AMPH: variants seen among roughly 807,000 people sequenced by gnomAD.
AMPH encodes amphiphysin (Stiff-Mann syndrome with breast cancer 128kD autoantigen).
A neutral mutation model predicts 99.1 loss-of-function variants in AMPH; 49 were observed. The observed-to-expected ratio is 0.49, with a 90% CI of 0.39 to 0.63. The LOEUF (loss-of-function observed/expected upper bound fraction) is 0.63. AMPH is among the 20% of genes least tolerant of loss of function. The probability of loss-of-function intolerance (pLI) is 0.00; values close to 1 mark genes in which losing one functional copy is unlikely to be tolerated. For missense variants in AMPH, 759 were observed against 863.4 expected, an observed-to-expected ratio of 0.88 and a Z score of 1.52; for synonymous variants, 314 against 317.3, an observed-to-expected ratio of 0.99 and a Z score of 0.11.
chr7:38,551,648 T>C (rs1791186269), intron 1 of AMPH, among the ~76,000 whole-genome samples: 1 of 152,050 alleles, frequency 6.6e-6, no homozygotes, highest in South Asian at 2.1e-4. Flanking sequence ...AGGACCTAAA[T>C]AGTGCAAATA....
At chr7:38,445,137 A>G (rs1786723817) in intron 11 of AMPH, among the ~76,000 whole-genome samples, 1 of 146,456 alleles carries the variant, frequency 6.8e-6, no homozygotes. Flanking sequence ...CTGATTTTCC[A>G]CAAAGGTACA....
chr7:38,426,415 G>C (rs1341588020), intron 15 of AMPH, among the ~76,000 whole-genome samples: 1 of 152,216 alleles, frequency 6.6e-6, no homozygotes, highest in African/African-American at 2.4e-5. Context: ...GACACAACCA[G>C]CCTATGGTTT....
intron 1 of AMPH, among the ~76,000 whole-genome samples, chr7:38,566,271 T>C (rs1286172103): frequency 6.6e-6 from 1 of 151,648 alleles, no homozygotes; most frequent in East Asian, 1.9e-4. Context: ...TCAAAATCTC[T>C]TGAAACTCAT....
rs1342156382 is a variant in AMPH at position 38,469,010 on chromosome 7, C to T, written c.591-2762G>A. Among the ~76,000 whole-genome samples, 4 of 117,436 alleles carry T rather than the reference C, an allele frequency of 3.4e-5. 1 individual carries two copies. Among genetic ancestry groups the T allele is most frequent in the South Asian group, 3.4e-4 (1 of 2,950 alleles). The allele number at this position is 117,436 out of a possible 152,430, so 77.0% of individuals were successfully genotyped here. A position where few individuals can be genotyped will look rare whatever the true frequency, so the allele number is the denominator to read the frequency against. Reference sequence around the variant, plus strand: ...TCTACTAAAAATACAAAAAATTAGCCGGGCGTAGTGGCGGGCGCCTGTAGT... The same window carrying T: ...TCTACTAAAAATACAAAAAATTAGCTGGGCGTAGTGGCGGGCGCCTGTAGT... On this transcript the variant is annotated intron_variant, in intron 7 of 20. Transcript: ENST00000356264.
intron 12 of AMPH, among the ~76,000 whole-genome samples, chr7:38,434,144 G>T (rs1362737223): frequency 6.6e-6 from 1 of 152,146 alleles, no homozygotes; most frequent in African/African-American, 2.4e-5. Flanking sequence ...AGGCTAGAGG[G>T]TTTTATTACC....
chr7:38,420,758 T>C (rs904243261), intron 16 of AMPH, among the ~76,000 whole-genome samples: 1 of 152,160 alleles, frequency 6.6e-6, no homozygotes, highest in Non-Finnish European at 1.5e-5. Flanking sequence ...AGAACTAATT[T>C]AGTGAGAACT....
At chr7:38,614,980 A>G (rs1232353498) in intron 1 of AMPH, among the ~76,000 whole-genome samples, 1 of 152,212 alleles carries the variant, frequency 6.6e-6, no homozygotes, top group Admixed American at 6.5e-5. Flanking sequence ...GCAATGAATG[A>G]AATGTAAAGG....
chr7:38,598,328 G>T (rs1436211245), intron 1 of AMPH, among the ~76,000 whole-genome samples: 2 of 151,994 alleles, frequency 1.3e-5, no homozygotes, highest in Non-Finnish European at 2.9e-5. Context: ...CTGTCACCTG[G>T]ACTGGAGTGC....
chr7:38,565,693 G>A (rs566642484), intron 1 of AMPH, among the ~76,000 whole-genome samples: 4 of 65,192 alleles, frequency 6.1e-5, no homozygotes, highest in Non-Finnish European at 9.0e-5. Flanking sequence ...GGGTGGGGAG[G>A]TCACAATTCA....
intron 1 of AMPH, among the ~76,000 whole-genome samples, chr7:38,621,511 C>T (rs1794061552): frequency 1.3e-5 from 2 of 152,082 alleles, no homozygotes; most frequent in African/African-American, 4.8e-5. Context: ...AATTTAACAT[C>T]CTTTACTCAA....
chr7:38,591,443 A>C lies in AMPH; in HGVS notation c.69+39840T>G, dbSNP rs1344864223. On this transcript the variant is annotated intron_variant, in intron 1 of 20. Coordinates refer to ENST00000356264, the MANE Select transcript of AMPH (RefSeq NM_001635.4). Reference sequence around the variant, plus strand: ...GCTGGAATTCCAGGCGTGCGCCACCATGCCCGGCTAATTTTGTATTTTTAG... The same window carrying C: ...GCTGGAATTCCAGGCGTGCGCCACCCTGCCCGGCTAATTTTGTATTTTTAG... Among the ~76,000 whole-genome samples the C allele has an allele frequency of 3.3e-5, 5 of 151,982 alleles. No individual in the cohort carries two copies. The East Asian group carries it at 9.7e-4, about 29-fold the overall frequency.
At chr7:38,517,990 G>GCACCCTC (rs762939845) in intron 2 of AMPH, among the ~76,000 whole-genome samples, 2 of 152,146 alleles carry the variant, frequency 1.3e-5, no homozygotes, top group Non-Finnish European at 2.9e-5. Context: ...TAGGCCTGGG[G>GCACCCTC]CACCCTCCAC....
At chr7:38,483,272 G>C (rs1016612935) in intron 5 of AMPH, among the ~76,000 whole-genome samples, 2 of 152,028 alleles carry the variant, frequency 1.3e-5, no homozygotes, top group African/African-American at 4.8e-5. Context: ...GCAGGCACTT[G>C]CCATGGCTCC....
chr7:38,527,353 T>C (rs181884083), intron 2 of AMPH, among the ~76,000 whole-genome samples: 109 of 152,348 alleles, frequency 7.2e-4, no homozygotes, highest in Non-Finnish European at 4.9e-4. Flanking sequence ...ACAACCAACA[T>C]GTTTACTGTG....
chr7:38,588,526 C>T (rs533955285), intron 1 of AMPH, among the ~76,000 whole-genome samples: 4 of 152,150 alleles, frequency 2.6e-5, no homozygotes, highest in Non-Finnish European at 5.9e-5. Flanking sequence ...TACTAAATGT[C>T]TACTGTATGT....
At chr7:38,602,291 G>T (rs964505210) in intron 1 of AMPH, among the ~76,000 whole-genome samples, 2 of 152,140 alleles carry the variant, frequency 1.3e-5, no homozygotes, top group African/African-American at 4.8e-5. Context: ...TGATTTCTGT[G>T]TCTGTTTCCC....
intron 2 of AMPH, among the ~76,000 whole-genome samples, chr7:38,515,119 A>AT (rs2129031939): frequency 6.6e-6 from 1 of 152,230 alleles, no homozygotes; most frequent in East Asian, 1.9e-4. Flanking sequence ...CAGACAAAAA[A>AT]GAGGAACAAG....
chr7:38,398,843 A>C (rs376677441), intron 17 of AMPH, among the ~76,000 whole-genome samples: 1 of 135,250 alleles, frequency 7.4e-6, no homozygotes, highest in African/African-American at 2.5e-5. Context: ...AAAAGTTAAA[A>C]ATAAACATAA....
chr7:38,588,415 T>C (rs1200293374), intron 1 of AMPH, among the ~76,000 whole-genome samples: 1 of 152,186 alleles, frequency 6.6e-6, no homozygotes, highest in African/African-American at 2.4e-5. Context: ...CTTGGTTTCC[T>C]AGATATAAGA....
Sources: gnomAD v4.1 joint callset for allele counts (sites outside exome capture counted in the v4.1 genomes callset) on GRCh38, gnomAD v4.1.1 for gene constraint, MANE v1.5 for transcripts, NCBI Gene and HGNC (gene_info 2026-07-23, HGNC 2026-07-21) for gene names.